RALGAPA1: variants seen among roughly 807,000 people sequenced by gnomAD.
RALGAPA1 encodes the protein ral GTPase-activating protein subunit alpha-1.
In RALGAPA1, 52 loss-of-function variants were observed where a neutral mutation model predicts 269.6. The observed-to-expected ratio is 0.19, with a 90% CI of 0.15 to 0.24. The LOEUF is 0.24. Among genes scored for constraint, RALGAPA1 ranks in the 10% least tolerant of loss-of-function variants. The pLI, the probability that RALGAPA1 is intolerant of heterozygous loss-of-function variation, is 1.00. For synonymous variants in RALGAPA1, 817 were observed against 1,008.3 expected (o/e 0.81, Z 3.60); for missense variants, 1,917 against 3,013.9 (o/e 0.64, Z 8.52).
chr14:35,732,428 A>G (rs1304290348), intron 12 of RALGAPA1, among the ~76,000 whole-genome samples: 1 of 152,198 alleles, frequency 6.6e-6, no homozygotes, highest in Non-Finnish European at 1.5e-5. Context: ...TTGAATGTAA[A>G]TGGTCTAAAT....
chr14:35,671,276 A>T (rs568246276), intron 26 of RALGAPA1, 113 bp downstream of exon 26: 1 of 863,588 alleles, frequency 1.2e-6, no homozygotes, highest in Non-Finnish European at 1.7e-6. Flanking sequence ...GAAGCAATCA[A>T]TTCCAATTAA....
At chr14:35,764,090 CT>C (rs5807843) in intron 4 of RALGAPA1, among the ~76,000 whole-genome samples, 35,428 of 137,686 alleles carry the variant, frequency 0.26, 5,796 homozygotes, top group African/African-American at 0.49. Flanking sequence ...TTTAGTTGTT[CT>C]TTTTTTTTTT....
At chr14:35,669,449 T>G (rs2140219762) in intron 26 of RALGAPA1, among the ~76,000 whole-genome samples, 1 of 152,284 alleles carries the variant, frequency 6.6e-6, no homozygotes, top group Non-Finnish European at 1.5e-5. Flanking sequence ...AGATGGGGTT[T>G]CTCCATGTTG....
intron 14 of RALGAPA1, chr14:35,723,950 T>C (rs1367988301): frequency 6.6e-6 from 1 of 152,098 alleles, no homozygotes; most frequent in Non-Finnish European, 1.5e-5. Flanking sequence ...AAAAGCTTAA[T>C]TCTACAACAT....
intron 13 of RALGAPA1, among the ~76,000 whole-genome samples, chr14:35,728,037 T>C (rs1830628200): frequency 6.6e-6 from 1 of 152,182 alleles, no homozygotes; most frequent in African/African-American, 2.4e-5. Flanking sequence ...ATCAACTTAT[T>C]CATTAACTCA....
At chr14:35,610,422 A>C (rs2059856597) in intron 35 of RALGAPA1, among the ~76,000 whole-genome samples, 1 of 151,884 alleles carries the variant, frequency 6.6e-6, no homozygotes, top group Non-Finnish European at 1.5e-5. Context: ...GGCTGGGACT[A>C]CAGGTGCCCA....
intron 37 of RALGAPA1, among the ~76,000 whole-genome samples, chr14:35,581,949 G>A (rs539075372): frequency 6.6e-6 from 1 of 152,226 alleles, no homozygotes; most frequent in South Asian, 2.1e-4. Flanking sequence ...CTGCAACATT[G>A]TTTACAAGAA....
At chr14:35,761,068 A>AT in intron 5 of RALGAPA1, 62 bp from the exon 6 acceptor site, 1 of 1,279,176 alleles carries the variant, frequency 7.8e-7, no homozygotes, top group Non-Finnish European at 1.1e-6. Flanking sequence ...CTTCCTTTGA[A>AT]AAACAAAGTT....
intron 1 of RALGAPA1, among the ~76,000 whole-genome samples, chr14:35,794,341 T>A (rs905191008): frequency 1.3e-5 from 2 of 152,052 alleles, no homozygotes; most frequent in African/African-American, 4.8e-5. Flanking sequence ...TATCTATATA[T>A]ATGCACACAC....
intron 1 of RALGAPA1, among the ~76,000 whole-genome samples, chr14:35,795,367 T>C (rs1244400206): frequency 6.7e-6 from 1 of 150,330 alleles, no homozygotes; most frequent in East Asian, 1.9e-4. Context: ...CTAGAGAGGG[T>C]CCCCTTTAAG....
rs377731206 is a variant in RALGAPA1 at position 35,588,872 on chromosome 14, T to C, written c.7209+6762A>G. Among the ~76,000 whole-genome samples, 12 of 152,292 alleles carry C rather than the reference T, an allele frequency of 7.9e-5. No individual in the cohort carries two copies. In the South Asian group the frequency reaches 1.7e-3, roughly 21 times the overall value. On this transcript the variant is annotated intron_variant, in intron 37 of 41. Coordinates refer to ENST00000680220, the MANE Select transcript of RALGAPA1 (RefSeq NM_001346249.2). ...ATCAATCTAAGAGTCCATCAATTGATGAATGGATAAAGAAAATGTGGTATA... is the reference window on the plus strand; with the variant it reads ...ATCAATCTAAGAGTCCATCAATTGACGAATGGATAAAGAAAATGTGGTATA...
rs754237353 is a variant in RALGAPA1 at position 35,683,791 on chromosome 14, TC to T, written c.4471+17del. 73 of 1,551,336 alleles carry T rather than the reference TC, an allele frequency of 4.7e-5. No homozygotes were observed. The African/African-American group carries it at 8.8e-4, about 19-fold the overall frequency. ...TAAAAAATACATTTAAGAAACACAT[TC>T]CCATGAATAACTTTACCAGTAATAG... On this transcript the variant is annotated intron_variant, in intron 21 of 41. Transcript: ENST00000680220.
chr14:35,644,499 C>T lies in RALGAPA1; in HGVS notation c.5676+7306G>A, dbSNP rs148355890. On this transcript the variant is annotated intron_variant, in intron 31 of 41. Coordinates refer to ENST00000680220, the MANE Select transcript of RALGAPA1 (RefSeq NM_001346249.2). ...ATACTGAAGTGGGAAAGGGGGACTA[C>T]GAAGTAACCCAAATAACTTATGAAC... Among the ~76,000 whole-genome samples, 681 of 152,164 alleles carry T rather than the reference C, an allele frequency of 4.5e-3. 5 individuals carry two copies. The highest frequency in any genetic ancestry group is 0.016 in the African/African-American group (654 of 41,506).
rs200804312 is a variant in RALGAPA1, at chr14:35,748,638, C to T, written c.1198G>A (p.Val400Ile). The change falls in exon 10 of 42, where the codon GTT becomes ATT. Residue 400 changes from valine (V) to isoleucine (I), a missense_variant. Around this residue, in one of 11 missense-constraint regions of RALGAPA1, gnomAD observed 462 missense variants for 725.6 expected, o/e 0.64. Coordinates refer to ENST00000680220, the MANE Select transcript of RALGAPA1 (RefSeq NM_001346249.2). ...HLTDIEIVRR[V>I]FSSKRSNVNF... ...ACATTACTCCTTTTAGAAGAAAAAACTCTGCGAACTATTTCAATGTCTGTG... is the reference window on the plus strand; with the variant it reads ...ACATTACTCCTTTTAGAAGAAAAAATTCTGCGAACTATTTCAATGTCTGTG... 186 of 1,611,314 alleles carry T rather than the reference C, an allele frequency of 1.2e-4. No homozygotes were observed. In the East Asian group the frequency reaches 3.8e-3, roughly 33 times the overall value.
At chr14:35,633,787 T>C (rs1416344806) in intron 33 of RALGAPA1, among the ~76,000 whole-genome samples, 1 of 152,174 alleles carries the variant, frequency 6.6e-6, no homozygotes, top group African/African-American at 2.4e-5. Flanking sequence ...TACCTCTATA[T>C]CTTATATATA....
chr14:35,706,346 A>C (rs1179597869), intron 16 of RALGAPA1, among the ~76,000 whole-genome samples: 2 of 152,090 alleles, frequency 1.3e-5, no homozygotes, highest in East Asian at 3.8e-4. Flanking sequence ...TTTTTTTGGC[A>C]TGTGGATGTC....
intron 3 of RALGAPA1, among the ~76,000 whole-genome samples, chr14:35,774,597 A>C (rs1043045235): frequency 9.2e-5 from 14 of 152,316 alleles, no homozygotes; most frequent in African/African-American, 3.4e-4. Context: ...CAAGTTTGCA[A>C]TGAAAAGCAG....
At chr14:35,586,777 T>C (rs1446044431) in intron 37 of RALGAPA1, among the ~76,000 whole-genome samples, 9 of 152,254 alleles carry the variant, frequency 5.9e-5, no homozygotes, top group Non-Finnish European at 1.2e-4. Flanking sequence ...GATTTGTGTA[T>C]GTTGAACCAG....
chr14:35,789,430 C>T (rs1045678666), intron 1 of RALGAPA1, among the ~76,000 whole-genome samples: 1 of 151,894 alleles, frequency 6.6e-6, no homozygotes, highest in African/African-American at 2.4e-5. Flanking sequence ...CCCATTTCTA[C>T]TAAAAATACA....
Sources: gnomAD v4.1 joint callset for allele counts (sites outside exome capture counted in the v4.1 genomes callset) on GRCh38, gnomAD v4.1.1 for gene constraint, gnomAD v4.1.1 regional missense constraint, MANE v1.5 for transcripts, NCBI Gene and HGNC (gene_info 2026-07-23, HGNC 2026-07-21) for gene names.